Variants in PTPRD observed in about 807,000 individuals in gnomAD.
PTPRD encodes receptor-type tyrosine-protein phosphatase delta.
A neutral mutation model predicts 214.5 loss-of-function variants in PTPRD; 34 were observed. That is an observed-to-expected ratio of 0.16 (90% CI 0.12 to 0.21). PTPRD has a LOEUF of 0.21. Ranked by LOEUF, PTPRD falls within the 10% of genes least tolerant of loss-of-function variation. The pLI is 1.00. For missense variants in PTPRD, 2,545 were observed against 2,398.7 expected (o/e 1.06, Z -1.27); for synonymous variants, 1,128 against 845.7 (o/e 1.33, Z -5.79).
intron 14 of PTPRD, among the ~76,000 whole-genome samples, chr9:8,593,654 A>C (rs1594789555): frequency 6.6e-6 from 1 of 152,320 alleles, no homozygotes; most frequent in East Asian, 1.9e-4. Flanking sequence ...GGTGTGAAAC[A>C]CTGTATCATA....
chr9:9,824,349 T>G (rs2051911603), intron 5 of PTPRD, among the ~76,000 whole-genome samples: 1 of 152,050 alleles, frequency 6.6e-6, no homozygotes, highest in Admixed American at 6.6e-5. Context: ...ACATAATTTC[T>G]GAATAGAATT....
intron 11 of PTPRD, among the ~76,000 whole-genome samples, chr9:8,918,256 C>G (rs1331284669): frequency 6.6e-6 from 1 of 152,154 alleles, no homozygotes; most frequent in Non-Finnish European, 1.5e-5. Context: ...ATACTGAAAT[C>G]AAACTCTTAA....
At chr9:9,832,579 T>C (rs1449321080) in intron 5 of PTPRD, among the ~76,000 whole-genome samples, 1 of 152,020 alleles carries the variant, frequency 6.6e-6, no homozygotes, top group Non-Finnish European at 1.5e-5. Context: ...TCATTCATAC[T>C]TCTAGGGTAA....
At chr9:9,513,754 T>G (rs2154247679) in intron 8 of PTPRD, among the ~76,000 whole-genome samples, 1 of 152,128 alleles carries the variant, frequency 6.6e-6, no homozygotes, top group South Asian at 2.1e-4. Context: ...AAGAATATTA[T>G]CTACAATGAA....
intron 3 of PTPRD, among the ~76,000 whole-genome samples, chr9:10,269,985 T>C (rs1190365144): frequency 1.3e-5 from 2 of 152,066 alleles, no homozygotes; most frequent in African/African-American, 2.4e-5. Context: ...AAATACTAAA[T>C]GTAAGCTTCT....
At chr9:9,390,760 C>T (rs952169788) in intron 9 of PTPRD, among the ~76,000 whole-genome samples, 1 of 152,118 alleles carries the variant, frequency 6.6e-6, no homozygotes, top group Non-Finnish European at 1.5e-5. Context: ...TGAATTTCCT[C>T]ACTTGGTCAA....
At chr9:8,902,407 A>G (rs984934243) in intron 11 of PTPRD, among the ~76,000 whole-genome samples, 1 of 144,608 alleles carries the variant, frequency 6.9e-6, no homozygotes, top group African/African-American at 2.6e-5. Flanking sequence ...CAGAGGTGTG[A>G]TCTTGGCTAA....
intron 11 of PTPRD, among the ~76,000 whole-genome samples, chr9:8,856,063 C>T (rs967050801): frequency 2.6e-5 from 4 of 152,246 alleles, no homozygotes; most frequent in Non-Finnish European, 5.9e-5. Context: ...TGTCTGTTTC[C>T]ATAAGTCAGA....
intron 11 of PTPRD, among the ~76,000 whole-genome samples, chr9:8,800,371 C>A (rs2096547167): frequency 6.6e-6 from 1 of 152,128 alleles, no homozygotes; most frequent in South Asian, 2.1e-4. Flanking sequence ...GCTAAATTCC[C>A]AGACAGTGAA....
intron 11 of PTPRD, among the ~76,000 whole-genome samples, chr9:8,740,061 A>T (rs895651981): frequency 2.0e-5 from 3 of 152,038 alleles, no homozygotes; most frequent in Non-Finnish European, 4.4e-5. Flanking sequence ...TAACCCACCC[A>T]TGTCCCTCAT....
intron 11 of PTPRD, among the ~76,000 whole-genome samples, chr9:8,819,335 C>T (rs895684659): frequency 1.3e-5 from 2 of 151,974 alleles, no homozygotes; most frequent in Non-Finnish European, 1.5e-5. Flanking sequence ...CATATATTAA[C>T]TTATATTTTA....
chr9:8,941,062 C>G (rs1159823884), intron 11 of PTPRD, among the ~76,000 whole-genome samples: 2 of 152,092 alleles, frequency 1.3e-5, no homozygotes, highest in Non-Finnish European at 2.9e-5. Flanking sequence ...TCCTGATAAA[C>G]CCATCTCAAG....
intron 5 of PTPRD, among the ~76,000 whole-genome samples, chr9:9,905,400 T>A (rs754885126): frequency 1.3e-5 from 2 of 151,980 alleles, no homozygotes; most frequent in Non-Finnish European, 2.9e-5. Flanking sequence ...ATTCTAAATC[T>A]AAGTCTGCAA....
At chr9:9,189,623 C>A (rs1029442692) in intron 9 of PTPRD, among the ~76,000 whole-genome samples, 1 of 151,880 alleles carries the variant, frequency 6.6e-6, no homozygotes, top group East Asian at 1.9e-4. Flanking sequence ...TCTCTTTGCC[C>A]ACTATACTGA....
At chr9:9,727,995 G>A (rs1178151029) in intron 7 of PTPRD, among the ~76,000 whole-genome samples, 1 of 152,126 alleles carries the variant, frequency 6.6e-6, no homozygotes, top group Non-Finnish European at 1.5e-5. Context: ...GGGACCCATG[G>A]GGAGGCAATT....
chr9:8,553,402 G>A (rs937914498), intron 14 of PTPRD, among the ~76,000 whole-genome samples: 6 of 152,134 alleles, frequency 3.9e-5, no homozygotes, highest in African/African-American at 1.4e-4. Context: ...GTGAAAACAA[G>A]GAGCAATTTG....
intron 5 of PTPRD, among the ~76,000 whole-genome samples, chr9:9,910,915 C>T (rs2079003117): frequency 6.6e-6 from 1 of 151,956 alleles, no homozygotes; most frequent in African/African-American, 2.4e-5. Context: ...ATTATGGGCT[C>T]GAGTAGCGTA....
chr9:9,809,912 G>T (rs1383532970), intron 5 of PTPRD, among the ~76,000 whole-genome samples: 1 of 152,076 alleles, frequency 6.6e-6, no homozygotes, highest in Non-Finnish European at 1.5e-5. Context: ...AACAATAGAA[G>T]CATTTATGTA....
intron 9 of PTPRD, among the ~76,000 whole-genome samples, chr9:9,236,034 C>T (rs1015340625): frequency 1.3e-5 from 2 of 152,176 alleles, no homozygotes; most frequent in Non-Finnish European, 2.9e-5. Context: ...GAGGCTGAGG[C>T]AGGTGGATCA....
Sources: gnomAD v4.1 joint callset for allele counts (sites outside exome capture counted in the v4.1 genomes callset) on GRCh38, gnomAD v4.1.1 for gene constraint, MANE v1.5 for transcripts, NCBI Gene and HGNC (gene_info 2026-07-23, HGNC 2026-07-21) for gene names.